SLC4A7: variants seen among roughly 807,000 people sequenced by gnomAD.
SLC4A7 encodes the protein sodium bicarbonate cotransporter 3.
SLC4A7 carries 51 observed loss-of-function variants against 137.6 expected under a neutral mutation model. The ratio of observed to expected loss-of-function variants is 0.37; its 90% confidence interval spans 0.30 to 0.47. The LOEUF (loss-of-function observed/expected upper bound fraction) is 0.47. Among genes scored for constraint, SLC4A7 ranks in the 20% least tolerant of loss-of-function variants. SLC4A7 has a pLI of 1.00. For synonymous variants in SLC4A7, 542 were observed against 518.6 expected (o/e 1.05, Z -0.61); for missense variants, 1,247 against 1,525.4 (o/e 0.82, Z 3.04).
At chr3:27,455,728 A>T (rs1379864326) in intron 1 of SLC4A7, among the ~76,000 whole-genome samples, 1 of 152,144 alleles carries the variant, frequency 6.6e-6, no homozygotes, top group Non-Finnish European at 1.5e-5. Context: ...AAATACAAAA[A>T]TTAGCTGAGT....
At chr3:27,455,042 T>G (rs1345171144) in intron 1 of SLC4A7, among the ~76,000 whole-genome samples, 1 of 151,060 alleles carries the variant, frequency 6.6e-6, no homozygotes, top group East Asian at 1.9e-4. Context: ...CCTCTCATGG[T>G]CTACACAGGC....
chr3:27,397,591 C>T, intron 18 of SLC4A7, 93 bp downstream of exon 18: 1 of 691,286 alleles, frequency 1.4e-6, no homozygotes, highest in Middle Eastern at 2.6e-4. Context: ...AGACTACATA[C>T]TTTTAAAACA....
rs2059836646 is a variant in SLC4A7, at chr3:27,483,998, C to A, written c.60+69G>T. ...GCCGAGCCGCGACGCCCGCCGCGCC[C>A]CCCGCCTTTGTCTGCCTCGCCCCGC... On this transcript the variant is annotated intron_variant, in intron 1 of 25. Transcript: ENST00000454389. 4.1e-6 allele frequency: 5 copies of A among 1,208,198 alleles called. No homozygotes were observed. The South Asian group carries it at 9.9e-5, about 24-fold the overall frequency. 74.8% of individuals were successfully genotyped at this position (1,208,198 alleles called of 1,614,324 possible).
intron 1 of SLC4A7, chr3:27,456,895 G>A: frequency 7.4e-7 from 1 of 1,352,224 alleles, no homozygotes; most frequent in Middle Eastern, 2.0e-4. Flanking sequence ...CAGCATAACA[G>A]ATTTGGAAAG....
intron 1 of SLC4A7, among the ~76,000 whole-genome samples, chr3:27,469,952 T>C (rs1008221856): frequency 2.0e-5 from 3 of 152,158 alleles, no homozygotes; most frequent in African/African-American, 7.2e-5. Flanking sequence ...CTGAGGATTA[T>C]CCTAAAAAAT....
chr3:27,372,817 G>A lies in SLC4A7; in HGVS notation c.*3947C>T, dbSNP rs2049646768. 6.6e-6 allele frequency: 1 copy of A among 152,548 alleles called. No individual in the cohort carries two copies. The highest frequency in any genetic ancestry group is 1.5e-5 in the Non-Finnish European group (1 of 68,024). The allele number at this position is 152,548 out of a possible 1,614,324, so 9.4% of individuals were successfully genotyped here. A position where few individuals can be genotyped will look rare whatever the true frequency, so the allele number is the denominator to read the frequency against. ...ATTATGAAACAAATTTGAAAGGCAG[G>A]ATGATTCACAATATAGACCCAGTAG... is the stretch of plus-strand genomic sequence containing the variant. On this transcript the variant is annotated 3_prime_UTR_variant, in exon 26 of 26. Transcript: ENST00000454389.
chr3:27,391,760 A>T lies in SLC4A7; in HGVS notation c.3166T>A (p.Ser1056Thr). 6.3e-7 allele frequency: 1 copy of T among 1,588,782 alleles called. No homozygotes were observed. Among genetic ancestry groups the T allele is most frequent in the Non-Finnish European group, 8.6e-7 (1 of 1,162,618 alleles). Residue 1056 changes from serine (S) to threonine (T), a missense_variant, in exon 21 of 26, where the codon TCC becomes ACC. Physicochemically the swap from Ser to Thr is moderately conservative, Grantham distance 58. Around this residue, in one of 6 missense-constraint regions of SLC4A7, gnomAD observed 290 missense variants for 323.8 expected, o/e 0.90. Coordinates refer to ENST00000454389, the MANE Select transcript of SLC4A7 (RefSeq NM_001321103.2). ...LYGVFLYMGVSSLKGIQLFDR... is the reference protein window; with the variant it reads ...LYGVFLYMGVTSLKGIQLFDR... ...CTTGCCTGGATTCCTTTTAATGAGG[A>T]AACTCCCATATAAAGGAAAACACCA...
At chr3:27,481,784 C>T (rs6809458) in intron 1 of SLC4A7, among the ~76,000 whole-genome samples, 5 of 152,108 alleles carry the variant, frequency 3.3e-5, no homozygotes, top group Admixed American at 2.6e-4. Flanking sequence ...ACGTCATTAA[C>T]AGCAGTGTTT....
chr3:27,441,130 G>C (rs1005371129), intron 3 of SLC4A7, among the ~76,000 whole-genome samples: 10 of 152,122 alleles, frequency 6.6e-5, no homozygotes, highest in African/African-American at 2.2e-4. Flanking sequence ...CAGGTTCGAG[G>C]GTTTAGGAGA....
intron 16 of SLC4A7, among the ~76,000 whole-genome samples, chr3:27,400,324 T>C (rs956054966): frequency 6.6e-6 from 1 of 152,144 alleles, no homozygotes; most frequent in Non-Finnish European, 1.5e-5. Context: ...ACTTAGACAT[T>C]AGGACATTAA....
intron 23 of SLC4A7, among the ~76,000 whole-genome samples, chr3:27,385,578 A>C (rs964157065): frequency 2.6e-5 from 4 of 152,138 alleles, no homozygotes; most frequent in African/African-American, 7.2e-5. Flanking sequence ...TATTGCTAAA[A>C]CTCTAATTCT....
At chr3:27,376,905 A>T (rs748692764) in intron 25 of SLC4A7, 60 bp from the exon 26 acceptor site, 11 of 787,712 alleles carry the variant, frequency 1.4e-5, no homozygotes, top group Non-Finnish European at 2.1e-5. Flanking sequence ...AATTCTAAAC[A>T]TGGCTAACAA....
intron 3 of SLC4A7, among the ~76,000 whole-genome samples, chr3:27,443,164 G>T (rs1398751441): frequency 1.3e-5 from 2 of 150,786 alleles, no homozygotes; most frequent in African/African-American, 4.9e-5. Context: ...CTGGGTAGCT[G>T]GGACTACAGG....
intron 3 of SLC4A7, among the ~76,000 whole-genome samples, chr3:27,445,993 G>T (rs1464261055): frequency 9.9e-6 from 1 of 101,358 alleles, no homozygotes; most frequent in Admixed American, 1.3e-4. Context: ...TATATATATA[G>T]TGCCCTTGAA....
intron 6 of SLC4A7, among the ~76,000 whole-genome samples, chr3:27,432,121 C>T (rs2056360894): frequency 6.6e-6 from 1 of 152,056 alleles, no homozygotes; most frequent in South Asian, 2.1e-4. Flanking sequence ...ACAATTATCT[C>T]TTAGAGAAAA....
chr3:27,396,643 G>A (rs886885877), intron 18 of SLC4A7, among the ~76,000 whole-genome samples: 86 of 151,976 alleles, frequency 5.7e-4, no homozygotes, highest in African/African-American at 2.1e-3. Context: ...TATAAAATTA[G>A]ATTTTATAAT....
intron 3 of SLC4A7, among the ~76,000 whole-genome samples, chr3:27,445,673 T>A (rs556339841): frequency 1.3e-5 from 2 of 150,686 alleles, no homozygotes; most frequent in South Asian, 4.2e-4. Context: ...ATCCCAGTAC[T>A]TTGGGAGGCT....
rs2150011126 is a variant in SLC4A7 at position 27,380,628 on chromosome 3, G to A, written c.3591-1272C>T. ...CTAGTTTACAAATGACTAAACAGCA[G>A]TCATTTAGAAAGTGCTCTGTTCATA... On this transcript the variant is annotated intron_variant, in intron 24 of 25. Coordinates refer to ENST00000454389, the MANE Select transcript of SLC4A7 (RefSeq NM_001321103.2). Among the ~76,000 whole-genome samples, 2 of 152,314 alleles carry A rather than the reference G, an allele frequency of 1.3e-5. 1 individual carries two copies. Among genetic ancestry groups the A allele is most frequent in the South Asian group, 4.1e-4 (2 of 4,828 alleles).
At chr3:27,392,596 C>T (rs920985805) in intron 20 of SLC4A7, among the ~76,000 whole-genome samples, 1 of 152,118 alleles carries the variant, frequency 6.6e-6, no homozygotes, top group Admixed American at 6.6e-5. Context: ...GAGGCTGAGG[C>T]GGGCAGATCA....
Sources: allele counts gnomAD v4.1 joint callset (sites outside exome capture counted in the v4.1 genomes callset), GRCh38; gene constraint gnomAD v4.1.1; regional missense constraint gnomAD v4.1.1; transcripts MANE v1.5; gene names NCBI Gene and HGNC (gene_info 2026-07-23, HGNC 2026-07-21).